The following PKHD1 variants were observed in gnomAD, a reference collection of about 807,000 sequenced individuals.
The protein encoded by PKHD1 is PKHD1 ciliary IPT domain containing fibrocystin/polyductin.
Under a neutral mutation model 412.0 loss-of-function variants are expected in PKHD1, and 291 were observed. The observed-to-expected ratio is 0.71, with a 90% CI of 0.64 to 0.78. The LOEUF is 0.78. PKHD1 is among the 30% of genes least tolerant of loss of function. The probability of loss-of-function intolerance (pLI) is 0.00; values close to 1 mark genes in which losing one functional copy is unlikely to be tolerated. For missense variants in PKHD1, 4,825 were observed against 4,950.7 expected, an observed-to-expected ratio of 0.97 and a Z score of 0.76; for synonymous variants, 1,777 against 1,821.5, an observed-to-expected ratio of 0.98 and a Z score of 0.62.
At chr6:51,793,290 T>C (rs183463048) in intron 52 of PKHD1, among the ~76,000 whole-genome samples, 8 of 152,364 alleles carry the variant, frequency 5.3e-5, no homozygotes, top group African/African-American at 2.4e-5. Flanking sequence ...TTAAGAATTA[T>C]TTGAAGCAAA....
At chr6:51,656,309 G>A (rs1248814673) in intron 61 of PKHD1, among the ~76,000 whole-genome samples, 1 of 152,168 alleles carries the variant, frequency 6.6e-6, no homozygotes, top group Non-Finnish European at 1.5e-5. Flanking sequence ...CATGGACACA[G>A]TGAGGGGAAC....
Position 52,028,280 on chromosome 6 carries a change from G to C in PKHD1, c.3436C>G (p.Gln1146Glu). The C allele has an allele frequency of 6.2e-7, 1 of 1,614,142 alleles. No individual in the cohort carries two copies. Among genetic ancestry groups the C allele is most frequent in the Middle Eastern group, 1.7e-4 (1 of 6,054 alleles). The change falls in exon 30 of 67, where the codon CAG (glutamine) becomes GAG (glutamate). Residue 1146 changes from glutamine (Q) to glutamate (E), a missense_variant. By Grantham distance (29) the Gln-to-Glu change is conservative (BLOSUM62 2). Transcript: ENST00000371117. ...GTGTGAACCGGAGCCAAGGCATCCTGGACGTGGACTTCCACATCCAAATCC... is the reference window on the plus strand; with the variant it reads ...GTGTGAACCGGAGCCAAGGCATCCTCGACGTGGACTTCCACATCCAAATCC... ...YTDLDVEVHVQDALAPVHTQS... is the reference protein window; with the variant it reads ...YTDLDVEVHVEDALAPVHTQS...
At chr6:52,029,771 C>G (rs1438798961) in intron 29 of PKHD1, among the ~76,000 whole-genome samples, 1 of 152,076 alleles carries the variant, frequency 6.6e-6, no homozygotes, top group Non-Finnish European at 1.5e-5. Flanking sequence ...TGGGGATAAG[C>G]CAAGTTGATG....
chr6:51,787,258 C>T (rs1793025676), intron 53 of PKHD1, among the ~76,000 whole-genome samples: 1 of 151,150 alleles, frequency 6.6e-6, no homozygotes, highest in Admixed American at 6.6e-5. Flanking sequence ...ACTTGGGAGG[C>T]TGAGGCAGGA....
intron 60 of PKHD1, among the ~76,000 whole-genome samples, chr6:51,681,870 T>C (rs973119610): frequency 6.6e-6 from 1 of 152,090 alleles, no homozygotes; most frequent in African/African-American, 2.4e-5. Context: ...AGAAACTGTA[T>C]GGCCTACAAA....
chr6:51,667,783 C>A (rs1235702204), intron 60 of PKHD1, among the ~76,000 whole-genome samples: 2 of 149,688 alleles, frequency 1.3e-5, no homozygotes, highest in Non-Finnish European at 3.0e-5. Flanking sequence ...GTTTTCCCAG[C>A]ACCATTTATT....
At chr6:51,738,286 C>T (rs1369885641) in intron 60 of PKHD1, among the ~76,000 whole-genome samples, 1 of 152,060 alleles carries the variant, frequency 6.6e-6, no homozygotes, top group Non-Finnish European at 1.5e-5. Context: ...TTAAAATCTC[C>T]CAAAATATAT....
intron 35 of PKHD1, among the ~76,000 whole-genome samples, chr6:51,969,453 A>T (rs146813780): frequency 2.0e-3 from 302 of 152,314 alleles, no homozygotes; most frequent in African/African-American, 7.0e-3. Context: ...GTTTTGTTAC[A>T]TGGATAGATT....
chr6:51,907,862 T>A (rs1370754851), intron 40 of PKHD1, among the ~76,000 whole-genome samples: 1 of 152,160 alleles, frequency 6.6e-6, no homozygotes, highest in East Asian at 1.9e-4. Flanking sequence ...AAACTTTTAT[T>A]TTTTAAGCAC....
At chr6:52,057,374 A>G (rs1267571865) in intron 16 of PKHD1, among the ~76,000 whole-genome samples, 1 of 151,114 alleles carries the variant, frequency 6.6e-6, no homozygotes, top group African/African-American at 2.4e-5. Context: ...ACATCAACAC[A>G]TTCCCTGTAG....
chr6:51,656,871 G>T (rs56363926), intron 61 of PKHD1, among the ~76,000 whole-genome samples: 19,747 of 151,504 alleles, frequency 0.13, 1,297 homozygotes, highest in East Asian at 0.27. Context: ...GCCTAGGCTG[G>T]TCTCAAACTC....
At position 51,887,260 on chromosome 6, in the gene PKHD1, A is replaced by G; in HGVS notation, c.6997-15T>C. Reference sequence around the variant, plus strand: ...ACTCTGTTCCCCTACAGAAATTAAGAAGAGTTAAAAAATAGTTACCCCATG... The same window carrying G: ...ACTCTGTTCCCCTACAGAAATTAAGGAGAGTTAAAAAATAGTTACCCCATG... On this transcript the variant is annotated splice_polypyrimidine_tract_variant and intron_variant, in intron 43 of 66. Transcript: ENST00000371117. 1 of 1,524,494 alleles carries G rather than the reference A, an allele frequency of 6.6e-7. No homozygotes were observed. The highest frequency in any genetic ancestry group is 1.7e-4 in the Middle Eastern group (1 of 5,882). The allele number at this position is 1,524,494 out of a possible 1,614,324, so 94.4% of individuals were successfully genotyped here. A position where few individuals can be genotyped will look rare whatever the true frequency, so the allele number is the denominator to read the frequency against.
In PKHD1 at chr6:51,978,702, C is replaced by T. The variant is rs966815875; in HGVS notation, c.5752-18676G>A. Among the ~76,000 whole-genome samples, 65 of 152,290 alleles carry T rather than the reference C, an allele frequency of 4.3e-4. 1 individual carries two copies. Among genetic ancestry groups the T allele is most frequent in the African/African-American group, 1.5e-3 (63 of 41,550 alleles). On this transcript the variant is annotated intron_variant, in intron 35 of 66. Coordinates refer to ENST00000371117, the MANE Select transcript of PKHD1 (RefSeq NM_138694.4). Reference sequence around the variant, plus strand: ...TAGAATACAAGTAGGGATCAGCCCCCTTCTCTGCTCATCTCACAAACACTG... The same window carrying T: ...TAGAATACAAGTAGGGATCAGCCCCTTTCTCTGCTCATCTCACAAACACTG...
intron 37 of PKHD1, among the ~76,000 whole-genome samples, chr6:51,925,175 C>T (rs1419874586): frequency 1.3e-5 from 2 of 152,150 alleles, no homozygotes; most frequent in Non-Finnish European, 2.9e-5. Flanking sequence ...AGAGAAGATG[C>T]AGAACGCCAG....
chr6:52,028,573 G>A (rs1357167301), intron 29 of PKHD1, among the ~76,000 whole-genome samples: 1 of 149,254 alleles, frequency 6.7e-6, no homozygotes, highest in Non-Finnish European at 1.5e-5. Flanking sequence ...GTGCTGTGGT[G>A]CAATCTTGTC....
At chr6:51,674,773 G>A (rs569501437) in intron 60 of PKHD1, among the ~76,000 whole-genome samples, 3 of 152,062 alleles carry the variant, frequency 2.0e-5, no homozygotes, top group Admixed American at 6.5e-5. Context: ...AGTGTTTGAC[G>A]ATTTGTCAAA....
chr6:51,730,457 C>A (rs558070868), intron 60 of PKHD1, among the ~76,000 whole-genome samples: 2 of 152,276 alleles, frequency 1.3e-5, no homozygotes, highest in Admixed American at 1.3e-4. Context: ...TGAATGATTT[C>A]TATTTTCCCA....
rs538225216 is a variant in PKHD1, at chr6:51,625,276, C to G, written c.11785+1721G>C. ...AGCAAATGTTAAAAGTTTAAAAACACAGAGGGAAAAGGGAAACTAAAGTGC... is the reference window on the plus strand; with the variant it reads ...AGCAAATGTTAAAAGTTTAAAAACAGAGAGGGAAAAGGGAAACTAAAGTGC... On this transcript the variant is annotated intron_variant, in intron 66 of 66. Transcript: ENST00000371117. Among the ~76,000 whole-genome samples, 3 of 152,108 alleles carry G rather than the reference C, an allele frequency of 2.0e-5. No individual in the cohort carries two copies. The South Asian group carries it at 6.3e-4, about 32-fold the overall frequency.
intron 35 of PKHD1, among the ~76,000 whole-genome samples, chr6:51,987,048 T>C (rs1196107403): frequency 6.6e-6 from 1 of 152,140 alleles, no homozygotes; most frequent in African/African-American, 2.4e-5. Flanking sequence ...GTGTGGTTGA[T>C]TAATGCCGAT....
Sources: gnomAD v4.1 joint callset for allele counts (sites outside exome capture counted in the v4.1 genomes callset) on GRCh38, gnomAD v4.1.1 for gene constraint, MANE v1.5 for transcripts, NCBI Gene and HGNC (gene_info 2026-07-23, HGNC 2026-07-21) for gene names.